DISC1: variants seen among roughly 807,000 people sequenced by gnomAD.
DISC1 encodes disrupted in schizophrenia 1 protein.
DISC1 carries 57 observed loss-of-function variants against 84.5 expected under a neutral mutation model. That is an observed-to-expected ratio of 0.67 (90% CI 0.55 to 0.84). The LOEUF (loss-of-function observed/expected upper bound fraction) is 0.84. Among genes scored for constraint, DISC1 ranks in the 40% least tolerant of loss-of-function variants. The probability of loss-of-function intolerance (pLI) is 0.00; values close to 1 mark genes in which losing one functional copy is unlikely to be tolerated. For synonymous variants in DISC1, 411 were observed against 415.2 expected, an observed-to-expected ratio of 0.99 and a Z score of 0.12; for missense variants, 1,000 against 1,057.8, an observed-to-expected ratio of 0.95 and a Z score of 0.76.
chr1:231,952,090 C>CAAAAAAAAAAA (rs11392611), intron 9 of DISC1, among the ~76,000 whole-genome samples: 51 of 54,086 alleles, frequency 9.4e-4, no homozygotes, highest in Non-Finnish European at 1.2e-3. Context: ...CTCAATGTCT[C>CAAAAAAAAAAA]AAAAAAAAAA....
At chr1:231,918,087 T>C (rs1426809608) in intron 9 of DISC1, among the ~76,000 whole-genome samples, 1 of 152,208 alleles carries the variant, frequency 6.6e-6, no homozygotes, top group Non-Finnish European at 1.5e-5. Flanking sequence ...TCAGGGTCTG[T>C]GGAGTGGTGT....
chr1:231,760,784 C>T (rs1236346921), intron 4 of DISC1, among the ~76,000 whole-genome samples: 1 of 152,176 alleles, frequency 6.6e-6, no homozygotes, highest in Non-Finnish European at 1.5e-5. Flanking sequence ...ACTTGCAGAG[C>T]CTTCTGAAGG....
intron 3 of DISC1, among the ~76,000 whole-genome samples, chr1:231,712,224 G>C (rs1455435551): frequency 6.6e-6 from 1 of 152,176 alleles, no homozygotes; most frequent in African/African-American, 2.4e-5. Flanking sequence ...CAGTAAAACT[G>C]ATTTCAGACT....
At chr1:231,998,919 A>T (rs1159353927) in intron 10 of DISC1, among the ~76,000 whole-genome samples, 2 of 152,172 alleles carry the variant, frequency 1.3e-5, no homozygotes, top group Non-Finnish European at 2.9e-5. Context: ...ATGGGGTAGA[A>T]TGAGAGTGAG....
intron 9 of DISC1, among the ~76,000 whole-genome samples, chr1:231,821,769 A>G (rs1278925008): frequency 6.9e-6 from 1 of 145,122 alleles, no homozygotes; most frequent in African/African-American, 2.6e-5. Context: ...GCTGGAGTGT[A>G]ATGGTGCGAT....
intron 10 of DISC1, among the ~76,000 whole-genome samples, chr1:231,976,964 G>A (rs1158434788): frequency 6.6e-6 from 1 of 152,132 alleles, no homozygotes; most frequent in East Asian, 1.9e-4. Context: ...AACCCAATGA[G>A]GGGTGAGCGC....
intron 9 of DISC1, among the ~76,000 whole-genome samples, chr1:231,861,452 GTTTTTTTTTTTTTT>G (rs59522401): frequency 4.5e-5 from 4 of 88,986 alleles, no homozygotes; most frequent in South Asian, 9.8e-4. Context: ...ATTTTGACAA[GTTTTTTTTTTTTTT>G]TTTTTTTTTT....
At chr1:231,836,302 G>A (rs946688574) in intron 9 of DISC1, among the ~76,000 whole-genome samples, 1 of 152,070 alleles carries the variant, frequency 6.6e-6, no homozygotes, top group African/African-American at 2.4e-5. Context: ...AACGGATAGT[G>A]TCCTGATGGT....
intron 9 of DISC1, among the ~76,000 whole-genome samples, chr1:231,953,210 C>G (rs543088458): frequency 6.6e-6 from 1 of 152,268 alleles, no homozygotes; most frequent in East Asian, 1.9e-4. Context: ...ACGCGTGTCC[C>G]CACAGTGGGT....
At chr1:231,807,476 C>G (rs2079831221) in intron 8 of DISC1, among the ~76,000 whole-genome samples, 1 of 152,234 alleles carries the variant, frequency 6.6e-6, no homozygotes, top group Admixed American at 6.5e-5. Flanking sequence ...ACTCAAAAGA[C>G]AGCCAGTAGA....
chr1:231,813,407 C>G (rs1327204580), intron 8 of DISC1: 2 of 152,228 alleles, frequency 1.3e-5, no homozygotes, highest in Non-Finnish European at 2.9e-5. Context: ...TGTGGCCACC[C>G]TGCCCCAACG....
chr1:231,900,136 G>T lies in DISC1; in HGVS notation c.1982-58692G>T, dbSNP rs138467477. The stretch of plus-strand genomic sequence containing the variant: ...TCTCTTGCACCCTGCTGCCTTTCAC[G>T]TTTGCTTTCAGCAGGGACTATAGTT... On this transcript the variant is annotated intron_variant, in intron 9 of 12. Coordinates refer to ENST00000439617, the MANE Select transcript of DISC1 (RefSeq NM_018662.3). Among the ~76,000 whole-genome samples the T allele has an allele frequency of 4.4e-3, 674 of 152,266 alleles. 4 individuals are homozygous for T. The highest frequency in any genetic ancestry group is 0.012 in the African/African-American group (492 of 41,564).
At chr1:231,790,464 T>C (rs2078246636) in intron 6 of DISC1, among the ~76,000 whole-genome samples, 1 of 152,034 alleles carries the variant, frequency 6.6e-6, no homozygotes, top group Non-Finnish European at 1.5e-5. Context: ...TTCTCTTTTG[T>C]CTTCAGATGA....
At chr1:231,686,723 T>A (rs981524483) in intron 1 of DISC1, among the ~76,000 whole-genome samples, 3 of 152,208 alleles carry the variant, frequency 2.0e-5, no homozygotes, top group Non-Finnish European at 2.9e-5. Context: ...TGGCTTGAAT[T>A]TCTCCTCAGA....
chr1:231,956,046 T>C (rs1659439250), intron 9 of DISC1, among the ~76,000 whole-genome samples: 1 of 152,128 alleles, frequency 6.6e-6, no homozygotes. Context: ...CTTGCTTACC[T>C]TCCCTGAAAG....
At chr1:231,860,876 C>G (rs1253189908) in intron 9 of DISC1, among the ~76,000 whole-genome samples, 1 of 152,190 alleles carries the variant, frequency 6.6e-6, no homozygotes, top group African/African-American at 2.4e-5. Context: ...CATCCTCTTG[C>G]AATACAGTAA....
At chr1:231,855,638 C>T (rs1558655640) in intron 9 of DISC1, among the ~76,000 whole-genome samples, 1 of 152,290 alleles carries the variant, frequency 6.6e-6, no homozygotes, top group African/African-American at 2.4e-5. Flanking sequence ...AACCAAGAGT[C>T]CTTATGTTCT....
At chr1:231,709,463 A>G (rs1217167196) in intron 3 of DISC1, among the ~76,000 whole-genome samples, 1 of 152,100 alleles carries the variant, frequency 6.6e-6, no homozygotes, top group Non-Finnish European at 1.5e-5. Context: ...AGGTAGAAGC[A>G]CAGTGGCATG....
intron 9 of DISC1, among the ~76,000 whole-genome samples, chr1:231,836,767 T>C (rs147072085): frequency 2.4e-4 from 36 of 152,324 alleles, no homozygotes; most frequent in African/African-American, 6.7e-4. Flanking sequence ...TCTGACCACC[T>C]TAACTTCCCA....
Sources: gnomAD v4.1 joint callset for allele counts (sites outside exome capture counted in the v4.1 genomes callset) on GRCh38, gnomAD v4.1.1 for gene constraint, MANE v1.5 for transcripts, NCBI Gene and HGNC (gene_info 2026-07-23, HGNC 2026-07-21) for gene names.